Variants in SUGCT observed in about 807,000 individuals in gnomAD.
SUGCT encodes succinyl-CoA:glutarate CoA-transferase.
In SUGCT, 41 loss-of-function variants were observed where a neutral mutation model predicts 55.0. The ratio of observed to expected loss-of-function variants is 0.74; its 90% CI spans 0.58 to 0.97. The LOEUF is 0.97. Among genes scored for constraint, SUGCT ranks in the 50% least tolerant of loss-of-function variants. The pLI is 0.00. For synonymous variants in SUGCT, 187 were observed against 200.4 expected (o/e 0.93, Z 0.56); for missense variants, 568 against 547.8 (o/e 1.04, Z -0.37).
chr7:40,570,581 T>A (rs937559952), intron 12 of SUGCT, among the ~76,000 whole-genome samples: 5 of 152,232 alleles, frequency 3.3e-5, no homozygotes, highest in Non-Finnish European at 7.3e-5. Context: ...ATCACCAGGC[T>A]GCTGCACATT....
chr7:40,451,359 T>A (rs527579063), intron 10 of SUGCT, among the ~76,000 whole-genome samples: 1 of 152,328 alleles, frequency 6.6e-6, no homozygotes, highest in Non-Finnish European at 1.5e-5. Context: ...GTTAACACTT[T>A]TGAACTTCCT....
chr7:40,802,862 G>C (rs1261620318), intron 13 of SUGCT, among the ~76,000 whole-genome samples: 1 of 152,128 alleles, frequency 6.6e-6, no homozygotes, highest in African/African-American at 2.4e-5. Flanking sequence ...ATAGAGTGTA[G>C]CCTGCACCAG....
At chr7:40,546,488 A>C (rs1794997037) in intron 12 of SUGCT, among the ~76,000 whole-genome samples, 1 of 152,216 alleles carries the variant, frequency 6.6e-6, no homozygotes, top group Admixed American at 6.5e-5. Context: ...AGTCCAAAAG[A>C]GCTGGCTTAA....
At chr7:40,534,863 T>G (rs747933065) in intron 12 of SUGCT, among the ~76,000 whole-genome samples, 1 of 152,210 alleles carries the variant, frequency 6.6e-6, no homozygotes, top group Non-Finnish European at 1.5e-5. Context: ...CCTACTCTAT[T>G]TGTCTTAACA....
chr7:40,311,909 A>G (rs531629962), intron 8 of SUGCT, among the ~76,000 whole-genome samples: 9 of 152,342 alleles, frequency 5.9e-5, no homozygotes, highest in Admixed American at 3.9e-4. Flanking sequence ...CAAAGGGTTT[A>G]AAATAAATAA....
At chr7:41,031,387 T>A in the SUGCT span, among the ~76,000 whole-genome samples, 23 of 151,898 alleles carry the variant, frequency 1.5e-4, no homozygotes, top group South Asian at 4.8e-3. Flanking sequence ...AGAAAGAAAA[T>A]TATCTGTTTT....
At chr7:40,338,339 G>C (rs1051909823) in intron 9 of SUGCT, among the ~76,000 whole-genome samples, 2 of 152,186 alleles carry the variant, frequency 1.3e-5, no homozygotes, top group African/African-American at 4.8e-5. Flanking sequence ...ATCCTGCAGA[G>C]TGTTTTCCAA....
chr7:40,622,399 A>C (rs1799302716), intron 12 of SUGCT, among the ~76,000 whole-genome samples: 1 of 152,080 alleles, frequency 6.6e-6, no homozygotes, highest in South Asian at 2.1e-4. Flanking sequence ...TCAAGCTCTC[A>C]CTGGTGGTAA....
At chr7:40,436,531 CT>C (rs1188069028) in intron 9 of SUGCT, among the ~76,000 whole-genome samples, 1 of 152,124 alleles carries the variant, frequency 6.6e-6, no homozygotes, top group East Asian at 1.9e-4. Flanking sequence ...TAGCTTGATT[CT>C]TTGCTTGTAG....
intron 12 of SUGCT, among the ~76,000 whole-genome samples, chr7:40,628,840 A>G (rs1408682589): frequency 6.6e-6 from 1 of 151,962 alleles, no homozygotes; most frequent in Non-Finnish European, 1.5e-5. Context: ...TCCCGTGTTC[A>G]AGCGATTTTC....
chr7:40,554,949 A>T (rs1234729575), intron 12 of SUGCT, among the ~76,000 whole-genome samples: 2 of 152,090 alleles, frequency 1.3e-5, no homozygotes, highest in African/African-American at 4.8e-5. Flanking sequence ...ATCCTGGCCC[A>T]TGAAACTGCT....
intron 1 of SUGCT, among the ~76,000 whole-genome samples, chr7:40,155,354 G>A (rs1370056518): frequency 1.3e-5 from 2 of 149,784 alleles, no homozygotes; most frequent in South Asian, 2.1e-4. Context: ...TAAAAGAAAT[G>A]TTTTCTTCCA....
intron 12 of SUGCT, among the ~76,000 whole-genome samples, chr7:40,715,692 A>G (rs1490661304): frequency 6.6e-6 from 1 of 152,048 alleles, no homozygotes; most frequent in Non-Finnish European, 1.5e-5. Flanking sequence ...TCCTCTTCCT[A>G]TCTTCTGATT....
rs11976852 is a variant in SUGCT, at chr7:40,632,597, T to C, written c.1090-116837T>C. ...CTTTCTTCTGACTTGCTTGCTGTTC[T>C]ATGCCTGAGTAAGAAGAAAAAGAAT... On this transcript the variant is annotated intron_variant, in intron 12 of 13. Coordinates refer to ENST00000335693, the MANE Select transcript of SUGCT (RefSeq NM_001193313.2). Among the ~76,000 whole-genome samples, 99 of 150,926 alleles carry C rather than the reference T, an allele frequency of 6.6e-4. 1 individual carries two copies. Among genetic ancestry groups the C allele is most frequent in the African/African-American group, 2.3e-3 (95 of 41,002 alleles).
At chr7:40,918,676 A>G in the SUGCT span, among the ~76,000 whole-genome samples, 1 of 152,156 alleles carries the variant, frequency 6.6e-6, no homozygotes, top group Non-Finnish European at 1.5e-5. Context: ...TGATCGAAAT[A>G]AAAGGATAGA....
chr7:40,759,012 A>C (rs1454992943), intron 13 of SUGCT, among the ~76,000 whole-genome samples: 1 of 152,222 alleles, frequency 6.6e-6, no homozygotes, highest in Non-Finnish European at 1.5e-5. Flanking sequence ...AAAAATTAAT[A>C]GCAGGACATT....
chr7:40,755,901 C>T (rs1423896705), intron 13 of SUGCT, among the ~76,000 whole-genome samples: 1 of 152,132 alleles, frequency 6.6e-6, no homozygotes, highest in Non-Finnish European at 1.5e-5. Flanking sequence ...GCTCCAGGTT[C>T]TTCAATATAC....
chr7:40,959,499 A>G, the SUGCT span, among the ~76,000 whole-genome samples: 1 of 152,140 alleles, frequency 6.6e-6, no homozygotes, highest in Non-Finnish European at 1.5e-5. Flanking sequence ...AGCCTCAGTA[A>G]TGGTGGATGA....
intron 1 of SUGCT, among the ~76,000 whole-genome samples, chr7:40,142,566 G>C (rs1375660347): frequency 1.3e-5 from 2 of 152,180 alleles, no homozygotes; most frequent in African/African-American, 4.8e-5. Context: ...ACCCATTATG[G>C]CTGCGAGGGA....
Sources: gnomAD v4.1 joint callset for allele counts (sites outside exome capture counted in the v4.1 genomes callset) on GRCh38, gnomAD v4.1.1 for gene constraint, MANE v1.5 for transcripts, NCBI Gene and HGNC (gene_info 2026-07-23, HGNC 2026-07-21) for gene names.